Variants in CHST4 observed in about 807,000 individuals in gnomAD.
CHST4 encodes the protein carbohydrate sulfotransferase 4.
For synonymous variants in CHST4, 171 were observed against 195.5 expected, an observed-to-expected ratio of 0.87 and a Z score of 1.05; for missense variants, 466 against 506.0, an observed-to-expected ratio of 0.92 and a Z score of 0.76.
chr16:71,532,817 T>C (rs752314626), intron 1 of CHST4, among the ~76,000 whole-genome samples: 3 of 152,200 alleles, frequency 2.0e-5, no homozygotes, highest in Non-Finnish European at 4.4e-5. Context: ...AGGTCATCAC[T>C]GAAGCACTTG....
At chr16:71,527,485 G>T (rs987372578) in intron 1 of CHST4, among the ~76,000 whole-genome samples, 1 of 152,178 alleles carries the variant, frequency 6.6e-6, no homozygotes, top group Non-Finnish European at 1.5e-5. Flanking sequence ...GATGGCTCGC[G>T]CCTGTAATCC....
chr16:71,530,227 A>G (rs1197113739), intron 1 of CHST4, among the ~76,000 whole-genome samples: 1 of 152,110 alleles, frequency 6.6e-6, no homozygotes, highest in Non-Finnish European at 1.5e-5. Flanking sequence ...GGGAGAAGGC[A>G]GGTTAGATTC....
chr16:71,530,804 G>A (rs1055487266), intron 1 of CHST4, among the ~76,000 whole-genome samples: 2 of 152,074 alleles, frequency 1.3e-5, no homozygotes, highest in African/African-American at 4.8e-5. Flanking sequence ...TTTTGGGCCA[G>A]GCGTGGTGGC....
At chr16:71,528,249 C>T (rs1262256075) in intron 1 of CHST4, among the ~76,000 whole-genome samples, 2 of 109,310 alleles carry the variant, frequency 1.8e-5, no homozygotes, top group African/African-American at 7.3e-5. Flanking sequence ...GACTTCATTT[C>T]AAAAAAAAAA....
intron 1 of CHST4, among the ~76,000 whole-genome samples, chr16:71,528,290 G>A (rs980951056): frequency 4.0e-5 from 6 of 149,704 alleles, no homozygotes; most frequent in South Asian, 2.1e-4. Flanking sequence ...TGAGGAGGAA[G>A]TCCTTTCAGA....
chr16:71,534,117 C>T (rs1311824245), intron 1 of CHST4, among the ~76,000 whole-genome samples: 2 of 151,868 alleles, frequency 1.3e-5, no homozygotes, highest in Non-Finnish European at 2.9e-5. Flanking sequence ...TGGCTGCAGG[C>T]TGGCAGGCAC....
At chr16:71,536,505 A>G (rs1567582798) in intron 1 of CHST4, 155 bp from the exon 2 acceptor site, 4 of 445,424 alleles carry the variant, frequency 9.0e-6, no homozygotes, top group African/African-American at 4.0e-5. Context: ...AATGATTTGG[A>G]GAAGGACTGG....
At chr16:71,536,496 A>T (rs1188702312) in intron 1 of CHST4, 164 bp from the exon 2 acceptor site, 2 of 436,582 alleles carry the variant, frequency 4.6e-6, no homozygotes, top group Non-Finnish European at 8.0e-6. Flanking sequence ...GGGACAGGAA[A>T]TGATTTGGAG....
chr16:71,533,975 G>C (rs192127497), intron 1 of CHST4, among the ~76,000 whole-genome samples: 2 of 150,970 alleles, frequency 1.3e-5, no homozygotes, highest in African/African-American at 4.9e-5. Flanking sequence ...CTGGGAGGAG[G>C]AGGTTGCAGT....
At chr16:71,535,073 A>G (rs536937575) in intron 1 of CHST4, among the ~76,000 whole-genome samples, 1 of 152,336 alleles carries the variant, frequency 6.6e-6, no homozygotes, top group East Asian at 1.9e-4. Flanking sequence ...AGTCAGTATG[A>G]GACAGTACGA....
At chr16:71,532,424 G>T (rs547946178) in intron 1 of CHST4, among the ~76,000 whole-genome samples, 97 of 152,196 alleles carry the variant, frequency 6.4e-4, no homozygotes, top group Non-Finnish European at 1.2e-3. Flanking sequence ...CTGCCGTACA[G>T]CAAGTGATTT....
Position 71,537,963 on chromosome 16 carries a change from T to C in CHST4, c.*125T>C. 1.2e-6 allele frequency: 1 copy of C among 862,292 alleles called. No homozygotes were observed. The highest frequency in any genetic ancestry group is 1.8e-6 in the Non-Finnish European group (1 of 555,022). The allele number at this position is 862,292 out of a possible 1,614,324, so 53.4% of individuals were successfully genotyped here. ...CTGTGGGTATCACACTGAGTGTGAG[T>C]TGTGTCCACACGTGCTCAAGCAGAA... On this transcript the variant is annotated 3_prime_UTR_variant, in exon 2 of 2. Coordinates refer to ENST00000539698, the MANE Select transcript of CHST4 (RefSeq NM_001166395.2). The surrounding 1 kb of genome is among the most constrained non-coding windows in gnomAD (Gnocchi z 4.2).
intron 1 of CHST4, among the ~76,000 whole-genome samples, chr16:71,534,251 C>T (rs979404212): frequency 6.6e-6 from 1 of 150,536 alleles, no homozygotes; most frequent in African/African-American, 2.4e-5. Context: ...AGGCTGAGCA[C>T]GGTGGCTCAT....
intron 1 of CHST4, among the ~76,000 whole-genome samples, chr16:71,529,110 T>TG (rs2043928957): frequency 6.6e-6 from 1 of 151,620 alleles, no homozygotes; most frequent in African/African-American, 2.4e-5. Flanking sequence ...GTTTTTTGTT[T>TG]TTTTTTTTTT....
intron 1 of CHST4, among the ~76,000 whole-genome samples, chr16:71,536,302 G>A (rs554111355): frequency 6.6e-6 from 1 of 152,284 alleles, no homozygotes; most frequent in Admixed American, 6.5e-5. Flanking sequence ...CCTCCCCTGG[G>A]TGGCCTGTCT....
In CHST4 at chr16:71,536,666, C is replaced by T. The variant is rs2043990259; in HGVS notation, c.-12C>T. The stretch of plus-strand genomic sequence containing the variant: ...TTCTGTTTGTTCCTTAAAGGTCTTC[C>T]ACTTCAGCACAATGCTACTGCCTAA... On this transcript the variant is annotated 5_prime_UTR_variant, in exon 2 of 2. Coordinates refer to ENST00000539698, the MANE Select transcript of CHST4 (RefSeq NM_001166395.2). 2 of 1,433,346 alleles carry T rather than the reference C, an allele frequency of 1.4e-6. No individual in the cohort carries two copies. Among genetic ancestry groups the T allele is most frequent in the Non-Finnish European group, 9.1e-7 (1 of 1,093,084 alleles). The allele number at this position is 1,433,346 out of a possible 1,614,324, so 88.8% of individuals were successfully genotyped here.
At chr16:71,527,844 T>C (rs2043919826) in intron 1 of CHST4, among the ~76,000 whole-genome samples, 2 of 152,088 alleles carry the variant, frequency 1.3e-5, no homozygotes, top group African/African-American at 4.8e-5. Context: ...AGCCTTCAGA[T>C]AGCAGGCTTC....
chr16:71,529,946 G>C (rs968480190), intron 1 of CHST4, among the ~76,000 whole-genome samples: 2 of 152,184 alleles, frequency 1.3e-5, no homozygotes, highest in African/African-American at 2.4e-5. Context: ...TCAGGGGTTC[G>C]AGACCAGCCT....
chr16:71,538,614 G>A lies in CHST4; in HGVS notation c.*776G>A, dbSNP rs989511523. The A allele has an allele frequency of 6.0e-6, 1 of 166,500 alleles. No homozygotes were observed. Among genetic ancestry groups the A allele is most frequent in the African/African-American group, 2.4e-5 (1 of 41,378 alleles). 10.3% of individuals were successfully genotyped at this position (166,500 alleles called of 1,614,324 possible). ...AAGAATAGATGTAATCATCTTTATT[G>A]GTTTTTTAAAACACCTTTGCTATTA... On this transcript the variant is annotated 3_prime_UTR_variant, in exon 2 of 2. Transcript: ENST00000539698.
Sources: allele counts gnomAD v4.1 joint callset (sites outside exome capture counted in the v4.1 genomes callset), GRCh38; gene constraint gnomAD v4.1.1; non-coding constraint Gnocchi (gnomAD v3.1); transcripts MANE v1.5; gene names NCBI Gene and HGNC (gene_info 2026-07-23, HGNC 2026-07-21).